CHCHD3: variants seen among roughly 807,000 people sequenced by gnomAD.
CHCHD3 encodes coiled-coil-helix-coiled-coil-helix domain containing 3, also known as MICOS complex subunit MIC19.
Under a neutral mutation model 38.2 loss-of-function variants are expected in CHCHD3, and 20 were observed. The observed-to-expected ratio is 0.52, with a 90% CI of 0.37 to 0.76. The LOEUF is 0.76. CHCHD3 is among the 30% of genes least tolerant of loss of function. The pLI is 0.00. For synonymous variants in CHCHD3, 82 were observed against 100.0 expected, an observed-to-expected ratio of 0.82 and a Z score of 1.07; for missense variants, 245 against 279.2, an observed-to-expected ratio of 0.88 and a Z score of 0.87.
At chr7:132,863,920 G>A (rs1476150015) in intron 5 of CHCHD3, among the ~76,000 whole-genome samples, 1 of 152,126 alleles carries the variant, frequency 6.6e-6, no homozygotes. Context: ...TCTAGATTAG[G>A]CTGTGGCTTA....
chr7:132,879,800 T>C (rs1297579874), intron 5 of CHCHD3, among the ~76,000 whole-genome samples: 2 of 148,468 alleles, frequency 1.3e-5, no homozygotes, highest in Admixed American at 6.7e-5. Flanking sequence ...AAGGCAGTAT[T>C]AATCAAAGTA....
chr7:132,902,129 T>A (rs544844820), intron 4 of CHCHD3, among the ~76,000 whole-genome samples: 1 of 152,256 alleles, frequency 6.6e-6, no homozygotes, highest in Admixed American at 6.5e-5. Context: ...TGAGATACCA[T>A]CTCATTTAGA....
chr7:132,890,244 C>T (rs1016440569), intron 4 of CHCHD3, among the ~76,000 whole-genome samples: 4 of 152,094 alleles, frequency 2.6e-5, no homozygotes, highest in East Asian at 1.9e-4. Context: ...AAGTGAAGTA[C>T]GTATGTTTAC....
chr7:132,913,262 AC>A (rs978820538), intron 4 of CHCHD3, among the ~76,000 whole-genome samples: 1 of 152,204 alleles, frequency 6.6e-6, no homozygotes, highest in Non-Finnish European at 1.5e-5. Flanking sequence ...GATGAACCAA[AC>A]CCTGATTCAA....
intron 5 of CHCHD3, among the ~76,000 whole-genome samples, chr7:132,855,518 C>T (rs990467894): frequency 1.3e-5 from 2 of 152,170 alleles, no homozygotes; most frequent in African/African-American, 4.8e-5. Context: ...GACCATCAAT[C>T]TATTTCAAAG....
chr7:132,986,323 C>T (rs1812119504), intron 3 of CHCHD3, among the ~76,000 whole-genome samples: 1 of 148,922 alleles, frequency 6.7e-6, no homozygotes, highest in Non-Finnish European at 1.5e-5. Flanking sequence ...CACTTATCTG[C>T]TGACCTTCCC....
intron 4 of CHCHD3, among the ~76,000 whole-genome samples, chr7:132,905,197 T>G (rs575928888): frequency 6.6e-6 from 1 of 151,978 alleles, no homozygotes; most frequent in African/African-American, 2.4e-5. Context: ...TGTATACCTA[T>G]GTAACAAACC....
intron 3 of CHCHD3, among the ~76,000 whole-genome samples, chr7:132,994,817 C>T (rs1812374005): frequency 6.6e-6 from 1 of 152,142 alleles, no homozygotes; most frequent in Non-Finnish European, 1.5e-5. Flanking sequence ...TTGAAGGGGC[C>T]TTATCCCCTA....
intron 4 of CHCHD3, among the ~76,000 whole-genome samples, chr7:132,953,054 C>T (rs572784811): frequency 2.2e-4 from 34 of 152,102 alleles, no homozygotes; most frequent in African/African-American, 6.3e-4. Flanking sequence ...ACTGTTTAAA[C>T]GGCAAGTCCT....
At chr7:133,034,034 T>G (rs1327514457) in intron 2 of CHCHD3, among the ~76,000 whole-genome samples, 1 of 152,222 alleles carries the variant, frequency 6.6e-6, no homozygotes, top group African/African-American at 2.4e-5. Flanking sequence ...TTTCATTATT[T>G]AGCATTCACA....
chr7:132,825,072 G>T (rs753432726), intron 6 of CHCHD3, among the ~76,000 whole-genome samples: 10 of 152,004 alleles, frequency 6.6e-5, no homozygotes, highest in Non-Finnish European at 1.0e-4. Context: ...TTCTGCAGTC[G>T]AGCTAATGAT....
At chr7:132,933,007 C>T (rs1733133362) in intron 4 of CHCHD3, among the ~76,000 whole-genome samples, 1 of 152,074 alleles carries the variant, frequency 6.6e-6, no homozygotes, top group African/African-American at 2.4e-5. Flanking sequence ...ACAAAAAGAC[C>T]GCCCAGAGTA....
chr7:132,812,215 T>C (rs895015199), intron 6 of CHCHD3, among the ~76,000 whole-genome samples: 3 of 138,868 alleles, frequency 2.2e-5, no homozygotes, highest in Admixed American at 7.2e-5. Context: ...TTTTTTTTTT[T>C]TTTTTTTTTT....
chr7:133,079,812 G>A (rs1231345958), intron 1 of CHCHD3, among the ~76,000 whole-genome samples: 1 of 152,076 alleles, frequency 6.6e-6, no homozygotes, highest in East Asian at 1.9e-4. Flanking sequence ...TTTAAACTGA[G>A]GTCTGTTTAA....
At chr7:132,865,236 T>A (rs991964775) in intron 5 of CHCHD3, among the ~76,000 whole-genome samples, 6 of 152,228 alleles carry the variant, frequency 3.9e-5, no homozygotes, top group African/African-American at 1.4e-4. Flanking sequence ...TGAACTTTTT[T>A]AGCTGTACCT....
intron 3 of CHCHD3, among the ~76,000 whole-genome samples, chr7:133,019,052 T>C (rs1218183449): frequency 6.6e-6 from 1 of 151,780 alleles, no homozygotes; most frequent in Non-Finnish European, 1.5e-5. Flanking sequence ...CCCAGCTAAT[T>C]TTGTATTTTT....
intron 5 of CHCHD3, among the ~76,000 whole-genome samples, chr7:132,856,521 C>A (rs1808345706): frequency 2.0e-5 from 3 of 152,298 alleles, no homozygotes; most frequent in Middle Eastern, 3.4e-3. Flanking sequence ...CTAGTACACA[C>A]TCATAGACAT....
At position 133,001,613 on chromosome 7, in the gene CHCHD3, C is replaced by T. The variant is rs372016825; in HGVS notation, c.251+22933G>A. ...TGGAATTACACATGGCATAGCTTTC[C>T]AGAAAGGAGCAATGGCTCCTACAAA... On this transcript the variant is annotated intron_variant, in intron 3 of 7. Coordinates refer to ENST00000262570, the MANE Select transcript of CHCHD3 (RefSeq NM_017812.4). Among the ~76,000 whole-genome samples, 6 of 152,192 alleles carry T rather than the reference C, an allele frequency of 3.9e-5. No homozygotes were observed. In the East Asian group the frequency reaches 1.2e-3, roughly 29 times the overall value.
intron 2 of CHCHD3, chr7:133,036,076 C>A: frequency 1.4e-6 from 1 of 692,092 alleles, no homozygotes; most frequent in South Asian, 1.7e-5. Flanking sequence ...TAAAATAATT[C>A]GCTAGGCAAT....
Sources: allele counts gnomAD v4.1 joint callset (sites outside exome capture counted in the v4.1 genomes callset), GRCh38; gene constraint gnomAD v4.1.1; transcripts MANE v1.5; gene names NCBI Gene and HGNC (gene_info 2026-07-23, HGNC 2026-07-21).